ADAMTS6: variants seen among roughly 807,000 people sequenced by gnomAD.
The protein encoded by ADAMTS6 is A disintegrin and metalloproteinase with thrombospondin motifs 6.
ADAMTS6 carries 23 observed loss-of-function variants against 144.3 expected under a neutral mutation model. That is an observed-to-expected ratio of 0.16 (90% CI 0.11 to 0.23). ADAMTS6 has a LOEUF of 0.23. Ranked by LOEUF, ADAMTS6 falls within the 10% of genes least tolerant of loss-of-function variation. ADAMTS6 has a pLI of 1.00. For synonymous variants in ADAMTS6, 444 were observed against 457.5 expected, an observed-to-expected ratio of 0.97 and a Z score of 0.38; for missense variants, 999 against 1,379.6, an observed-to-expected ratio of 0.72 and a Z score of 4.37.
In ADAMTS6 at chr5:65,172,864, G is replaced by A; in HGVS notation, c.3055C>T (p.Pro1019Ser). 1 of 1,614,222 alleles carries A rather than the reference G, an allele frequency of 6.2e-7. No individual in the cohort carries two copies. Among genetic ancestry groups the A allele is most frequent in the Non-Finnish European group, 8.5e-7 (1 of 1,180,040 alleles). The change falls in exon 23 of 25, where the codon CCT becomes TCT. Residue 1019 changes from proline (P) to serine (S), a missense_variant. This residue lies in a region of ADAMTS6 where 619 missense variants were observed against 837.0 expected (regional missense o/e 0.74). Coordinates refer to ENST00000381055, the MANE Select transcript of ADAMTS6 (RefSeq NM_197941.4). ...RIRCSLGRCP[P>S]PRWVTGDWGQ... ...CAGTCTCCTGTGACCCAGCGAGGAGGAGGGCAGCGGCCCAAACTGCAGCGG... is the reference window on the plus strand; with the variant it reads ...CAGTCTCCTGTGACCCAGCGAGGAGAAGGGCAGCGGCCCAAACTGCAGCGG...
At chr5:65,152,601 T>C (rs973378416) in intron 24 of ADAMTS6, among the ~76,000 whole-genome samples, 3 of 152,200 alleles carry the variant, frequency 2.0e-5, no homozygotes, top group Non-Finnish European at 2.9e-5. Context: ...TTTTTTCCTA[T>C]GTGTATTTTC....
At chr5:65,433,034 T>C (rs1382577754) in intron 7 of ADAMTS6, among the ~76,000 whole-genome samples, 1 of 152,130 alleles carries the variant, frequency 6.6e-6, no homozygotes, top group Non-Finnish European at 1.5e-5. Context: ...AATGAGGCCA[T>C]TTTCTTTCTC....
intron 11 of ADAMTS6, among the ~76,000 whole-genome samples, chr5:65,284,877 C>T (rs1256445578): frequency 6.6e-6 from 1 of 152,226 alleles, no homozygotes; most frequent in Admixed American, 6.5e-5. Context: ...ATGGAGCCCA[C>T]ACACCTTTAC....
chr5:65,313,419 G>A (rs1208000867), intron 9 of ADAMTS6, among the ~76,000 whole-genome samples: 1 of 151,802 alleles, frequency 6.6e-6, no homozygotes, highest in Non-Finnish European at 1.5e-5. Context: ...TACATATATT[G>A]TATATATAAT....
Position 65,172,135 on chromosome 5 carries a change from C to T in ADAMTS6, c.3087+697G>A, listed in dbSNP as rs185528817. Among the ~76,000 whole-genome samples, 312 of 149,256 alleles carry T rather than the reference C, an allele frequency of 2.1e-3. 3 individuals carry two copies. Among genetic ancestry groups the T allele is most frequent in the African/African-American group, 6.2e-3 (254 of 40,964 alleles). ...GCCTTAAAAATATATATATTTTTGG[C>T]CAGGCGCGGTGGCTCACACCTGTAA... On this transcript the variant is annotated intron_variant, in intron 23 of 24. Transcript: ENST00000381055.
chr5:65,383,876 C>G (rs1752259029), intron 7 of ADAMTS6, among the ~76,000 whole-genome samples: 1 of 152,154 alleles, frequency 6.6e-6, no homozygotes, highest in South Asian at 2.1e-4. Flanking sequence ...GTACCCATAC[C>G]ACCACAGTTC....
At chr5:65,334,114 A>G in intron 7 of ADAMTS6, 29 bp from the exon 8 acceptor site, 1 of 1,510,442 alleles carries the variant, frequency 6.6e-7, no homozygotes, top group Admixed American at 2.5e-5. Flanking sequence ...TGAAATTTGT[A>G]ATCTGATCAG....
chr5:65,340,273 C>A (rs1330542308), intron 7 of ADAMTS6, among the ~76,000 whole-genome samples: 2 of 151,876 alleles, frequency 1.3e-5, no homozygotes, highest in Non-Finnish European at 2.9e-5. Flanking sequence ...GTATACCCAG[C>A]AAAGCTATCC....
chr5:65,374,537 G>C (rs1751312881), intron 7 of ADAMTS6, among the ~76,000 whole-genome samples: 1 of 151,350 alleles, frequency 6.6e-6, no homozygotes, highest in Admixed American at 6.6e-5. Context: ...AAATACCTAG[G>C]AATCCAACTT....
chr5:65,266,978 T>C (rs1761672974), intron 12 of ADAMTS6, among the ~76,000 whole-genome samples: 1 of 152,048 alleles, frequency 6.6e-6, no homozygotes, highest in South Asian at 2.1e-4. Flanking sequence ...CTCTTCTAGC[T>C]GATTGCATTA....
At chr5:65,185,436 A>G (rs919685247) in intron 22 of ADAMTS6, among the ~76,000 whole-genome samples, 11 of 152,202 alleles carry the variant, frequency 7.2e-5, no homozygotes, top group Admixed American at 2.0e-4. Context: ...CAGTAACAGC[A>G]GCAGTTTTCG....
chr5:65,452,810 C>A lies in ADAMTS6; in HGVS notation c.740G>T (p.Ser247Ile), dbSNP rs1758857039. 1 of 1,614,122 alleles carries A rather than the reference C, an allele frequency of 6.2e-7. No homozygotes were observed. The highest frequency in any genetic ancestry group is 8.5e-7 in the Non-Finnish European group (1 of 1,179,982). ...HIHHRQKRSV[S>I]IERFVETLVV... is the part of the protein sequence containing the mutation. Reference sequence around the variant, plus strand: ...CAATGTCTCCACAAACCGTTCAATGCTCACTGATCTCTTCTGTCTGTGGTG... The same window carrying A: ...CAATGTCTCCACAAACCGTTCAATGATCACTGATCTCTTCTGTCTGTGGTG... Residue 247 changes from serine (S) to isoleucine (I), a missense_variant, in exon 5 of 25, where the codon AGC becomes ATC. Around this residue, in one of 3 missense-constraint regions of ADAMTS6, gnomAD observed 252 missense variants for 293.7 expected, o/e 0.86. Transcript: ENST00000381055.
chr5:65,440,946 A>G (rs1028831947), intron 7 of ADAMTS6, among the ~76,000 whole-genome samples: 2 of 152,234 alleles, frequency 1.3e-5, no homozygotes, highest in South Asian at 4.1e-4. Context: ...AATATCTGAC[A>G]CCCAACAAGG....
intron 3 of ADAMTS6, among the ~76,000 whole-genome samples, chr5:65,470,261 A>G (rs1188895235): frequency 1.3e-5 from 2 of 152,154 alleles, no homozygotes; most frequent in Admixed American, 1.3e-4. Flanking sequence ...ATTTATATCA[A>G]TCTTCATATA....
chr5:65,224,956 T>C lies in ADAMTS6; in HGVS notation c.2159A>G (p.Glu720Gly). Residue 720 changes from glutamate (E) to glycine (G), a missense_variant, in exon 17 of 25, where the codon GAA becomes GGA. Transcript: ENST00000381055. ...GGGCAGTGAATCATTGAAGAACCCTTCAATGGCATCACATGTGCTTCCGTC... is the reference window on the plus strand; with the variant it reads ...GGGCAGTGAATCATTGAAGAACCCTCCAATGGCATCACATGTGCTTCCGTC... ...GGDGSTCDAI[E>G]GFFNDSLPRG... The C allele has an allele frequency of 1.9e-6, 3 of 1,613,964 alleles. No homozygotes were observed. The highest frequency in any genetic ancestry group is 2.5e-6 in the Non-Finnish European group (3 of 1,179,982).
chr5:65,405,933 T>C (rs1168451811), intron 7 of ADAMTS6, among the ~76,000 whole-genome samples: 2 of 152,236 alleles, frequency 1.3e-5, no homozygotes, highest in African/African-American at 4.8e-5. Flanking sequence ...TCACTCATGA[T>C]TTGGCTCTGT....
At chr5:65,218,746 G>C (rs912572091) in intron 18 of ADAMTS6, among the ~76,000 whole-genome samples, 10 of 151,942 alleles carry the variant, frequency 6.6e-5, no homozygotes, top group Admixed American at 5.2e-4. Flanking sequence ...TTTTTAAAAA[G>C]ATAATTGGCT....
At chr5:65,439,655 T>C (rs144260242) in intron 7 of ADAMTS6, among the ~76,000 whole-genome samples, 118 of 152,270 alleles carry the variant, frequency 7.7e-4, no homozygotes, top group African/African-American at 2.8e-3. Context: ...GGTTAGTTAG[T>C]GGCCTGAGGG....
At chr5:65,172,769 G>A in intron 23 of ADAMTS6, 63 bp downstream of exon 23, 2 of 1,549,980 alleles carry the variant, frequency 1.3e-6, no homozygotes, top group African/African-American at 1.4e-5. Context: ...GATCACACAA[G>A]GAACCTCAGG....
Sources: gnomAD v4.1 joint callset for allele counts (sites outside exome capture counted in the v4.1 genomes callset) on GRCh38, gnomAD v4.1.1 for gene constraint, gnomAD v4.1.1 regional missense constraint, MANE v1.5 for transcripts, NCBI Gene and HGNC (gene_info 2026-07-23, HGNC 2026-07-21) for gene names.